Variants in CNGB3 observed in about 807,000 individuals in gnomAD.
The protein encoded by CNGB3 is cyclic nucleotide gated channel subunit beta 3.
Under a neutral mutation model 92.8 loss-of-function variants are expected in CNGB3, and 86 were observed. The ratio of observed to expected loss-of-function variants is 0.93; its 90% CI spans 0.78 to 1.11. The LOEUF (loss-of-function observed/expected upper bound fraction) is 1.11. Among genes scored for constraint, CNGB3 ranks in the 50% least tolerant of loss-of-function variants. CNGB3 has a pLI of 0.00. For synonymous variants in CNGB3, 333 were observed against 332.7 expected (o/e 1.00, Z -0.01); for missense variants, 1,026 against 956.8 (o/e 1.07, Z -0.95).
At chr8:86,592,230 G>T (rs1266425544) in intron 15 of CNGB3, among the ~76,000 whole-genome samples, 2 of 152,270 alleles carry the variant, frequency 1.3e-5, no homozygotes, top group African/African-American at 4.8e-5. Flanking sequence ...ACTGACCTGT[G>T]CCCACTGTCT....
intron 3 of CNGB3, among the ~76,000 whole-genome samples, chr8:86,710,444 G>A (rs759618270): frequency 2.2e-4 from 34 of 151,978 alleles, no homozygotes; most frequent in Admixed American, 9.2e-4. Context: ...CCTAGGCAGA[G>A]CAATCACTTT....
At chr8:86,642,695 C>A (rs920174198) in intron 10 of CNGB3, among the ~76,000 whole-genome samples, 1 of 151,606 alleles carries the variant, frequency 6.6e-6, no homozygotes, top group Admixed American at 6.6e-5. Context: ...GTGAAGTCAA[C>A]TTTATGCCAG....
In CNGB3 at chr8:86,576,145, T is replaced by C; in HGVS notation, c.2104-15A>G. ...TTTTCTTTCTTCTGGAAGGAGCAATTACAAAGAACTGGTGTTGAAATCGTA... is the reference window on the plus strand; with the variant it reads ...TTTTCTTTCTTCTGGAAGGAGCAATCACAAAGAACTGGTGTTGAAATCGTA... On this transcript the variant is annotated splice_polypyrimidine_tract_variant and intron_variant, in intron 17 of 17. Coordinates refer to ENST00000320005, the MANE Select transcript of CNGB3 (RefSeq NM_019098.5). The C allele has an allele frequency of 6.2e-7, 1 of 1,600,914 alleles. No individual in the cohort carries two copies. The highest frequency in any genetic ancestry group is 1.3e-5 in the African/African-American group (1 of 74,894).
chr8:86,622,419 A>G (rs1822757374), intron 13 of CNGB3, among the ~76,000 whole-genome samples: 1 of 150,294 alleles, frequency 6.7e-6, no homozygotes, highest in South Asian at 2.1e-4. Flanking sequence ...TTTACGTAAA[A>G]TGAAATATAC....
intron 15 of CNGB3, chr8:86,593,762 C>T (rs938293623): frequency 1.1e-5 from 14 of 1,295,158 alleles, no homozygotes; most frequent in Admixed American, 1.1e-4. Flanking sequence ...GCTCAGGATG[C>T]CAGGGCAGTA....
chr8:86,715,938 C>T (rs1025396154), intron 3 of CNGB3, among the ~76,000 whole-genome samples: 3 of 151,324 alleles, frequency 2.0e-5, no homozygotes, highest in Non-Finnish European at 4.4e-5. Context: ...AACTAACCTG[C>T]ACATTGTGCA....
chr8:86,690,652 A>G (rs201994861), intron 3 of CNGB3, among the ~76,000 whole-genome samples: 2 of 151,928 alleles, frequency 1.3e-5, no homozygotes, highest in South Asian at 2.1e-4. Context: ...GTCCTGAATG[A>G]TATTGCCTAG....
chr8:86,619,178 C>A (rs572295682), intron 13 of CNGB3, among the ~76,000 whole-genome samples: 10 of 152,218 alleles, frequency 6.6e-5, no homozygotes, highest in African/African-American at 1.4e-4. Context: ...TTCTAATGCA[C>A]GCCACTAGGT....
intron 3 of CNGB3, among the ~76,000 whole-genome samples, chr8:86,710,346 C>T (rs1824727115): frequency 6.6e-6 from 1 of 152,122 alleles, no homozygotes; most frequent in African/African-American, 2.4e-5. Flanking sequence ...TCTGCTATTG[C>T]CACCAGGTAG....
At chr8:86,648,660 ATAAT>A (rs933617582) in intron 7 of CNGB3, among the ~76,000 whole-genome samples, 5 of 151,234 alleles carry the variant, frequency 3.3e-5, no homozygotes, top group African/African-American at 1.2e-4. Flanking sequence ...TTTGTGTAAA[ATAAT>A]TATTCATTTT....
intron 3 of CNGB3, among the ~76,000 whole-genome samples, chr8:86,705,006 A>T (rs1824626745): frequency 6.6e-6 from 1 of 152,156 alleles, no homozygotes; most frequent in African/African-American, 2.4e-5. Flanking sequence ...TAGAGGGCTG[A>T]TTGGCACGAA....
chr8:86,694,313 C>A (rs1444414105), intron 3 of CNGB3, among the ~76,000 whole-genome samples: 1 of 145,386 alleles, frequency 6.9e-6, no homozygotes, highest in African/African-American at 2.5e-5. Context: ...GCTGAGGCGC[C>A]CCTCACCTCC....
intron 15 of CNGB3, among the ~76,000 whole-genome samples, chr8:86,585,482 G>A (rs1268591445): frequency 6.6e-6 from 1 of 152,088 alleles, no homozygotes; most frequent in Non-Finnish European, 1.5e-5. Flanking sequence ...TGTACAACCT[G>A]CACAGCTCTT....
At chr8:86,736,187 C>T (rs528805726) in intron 2 of CNGB3, among the ~76,000 whole-genome samples, 2 of 152,264 alleles carry the variant, frequency 1.3e-5, no homozygotes, top group African/African-American at 4.8e-5. Context: ...TATGACATTG[C>T]ACCTGCATGT....
intron 3 of CNGB3, among the ~76,000 whole-genome samples, chr8:86,694,305 T>A (rs1196651601): frequency 4.0e-5 from 5 of 125,402 alleles, no homozygotes; most frequent in African/African-American, 9.2e-5. Context: ...GCGGCCGGGC[T>A]GAGGCGCCCC....
At chr8:86,579,337 G>A (rs111589548) in intron 15 of CNGB3, 85 bp from the exon 16 acceptor site, 41 of 1,440,644 alleles carry the variant, frequency 2.8e-5, no homozygotes, top group Non-Finnish European at 4.0e-5. Flanking sequence ...ACTATTATAA[G>A]TATTTATACT....
chr8:86,644,104 C>T (rs547635532), intron 9 of CNGB3, among the ~76,000 whole-genome samples: 5 of 151,190 alleles, frequency 3.3e-5, no homozygotes, highest in Admixed American at 1.3e-4. Context: ...AGAAAACTTC[C>T]TCTCTTTTCA....
intron 15 of CNGB3, 68 bp downstream of exon 15, chr8:86,604,025 T>C (rs1323147391): frequency 2.0e-6 from 2 of 998,594 alleles, no homozygotes; most frequent in Non-Finnish European, 3.2e-6. Flanking sequence ...GAACTTATTT[T>C]ACTACCTAAG....
At position 86,628,841 on chromosome 8, in the gene CNGB3, C is replaced by T. The variant is rs115779264; in HGVS notation, c.1480+78G>A. The T allele has an allele frequency of 6.2e-4, 901 of 1,457,228 alleles. 4 individuals carry two copies. The African/African-American group carries it at 0.011, about 17-fold the overall frequency. The allele number at this position is 1,457,228 out of a possible 1,614,324, so 90.3% of individuals were successfully genotyped here. A position where few individuals can be genotyped will look rare whatever the true frequency, so the allele number is the denominator to read the frequency against. On this transcript the variant is annotated intron_variant, in intron 12 of 17. Transcript: ENST00000320005. Reference sequence around the variant, plus strand: ...TTTTCAACCTTTTGTTCAAATCCAACTAGTCTCTGCTACCTTACAGAATTT... The same window carrying T: ...TTTTCAACCTTTTGTTCAAATCCAATTAGTCTCTGCTACCTTACAGAATTT...
Sources: allele counts gnomAD v4.1 joint callset (sites outside exome capture counted in the v4.1 genomes callset), GRCh38; gene constraint gnomAD v4.1.1; transcripts MANE v1.5; gene names NCBI Gene and HGNC (gene_info 2026-07-23, HGNC 2026-07-21).